FDPS: variants seen among roughly 807,000 people sequenced by gnomAD.
The protein encoded by FDPS is farnesyl diphosphate synthase.
Under a neutral mutation model 49.5 loss-of-function variants are expected in FDPS, and 29 were observed. The observed-to-expected ratio is 0.59, with a 90% CI of 0.44 to 0.80. The LOEUF is 0.80. Among genes scored for constraint, FDPS ranks in the 30% least tolerant of loss-of-function variants. The pLI is 0.00. For missense variants in FDPS, 414 were observed against 525.6 expected (o/e 0.79, Z 2.08); for synonymous variants, 172 against 206.4 (o/e 0.83, Z 1.43).
chr1:155,312,264 T>C lies in FDPS; in HGVS notation c.349T>C (p.Tyr117His), dbSNP rs376502714. 3 of 1,613,738 alleles carry C rather than the reference T, an allele frequency of 1.9e-6. No individual in the cohort carries two copies. Among genetic ancestry groups the C allele is most frequent in the African/African-American group, 2.7e-5 (2 of 74,858 alleles). The change falls in exon 4 of 11, where the codon TAC becomes CAC. Residue 117 changes from tyrosine to histidine, a missense_variant. Transcript: ENST00000368356. ...TTTCCTTGCCCTCCAGGTCCTGGAG[T>C]ACAATGCCATTGGAGGCAAGTATAA... ...AIARLKEVLEYNAIGGKYNRG... is the reference protein window; with the variant it reads ...AIARLKEVLEHNAIGGKYNRG...
chr1:155,309,677 C>G (rs1465167681), intron 1 of FDPS, 112 bp from the exon 2 acceptor site: 2 of 975,348 alleles, frequency 2.1e-6, no homozygotes, highest in Non-Finnish European at 2.9e-6. Context: ...GGGAGGGGCA[C>G]TCTGGGCTAA....
intron 3 of FDPS, among the ~76,000 whole-genome samples, chr1:155,311,620 C>T (rs115750261): frequency 0.011 from 1,709 of 152,232 alleles, 37 homozygotes; most frequent in African/African-American, 0.039. Flanking sequence ...GGGGAGGGAC[C>T]TGAACAAGCC....
intron 3 of FDPS, among the ~76,000 whole-genome samples, chr1:155,311,020 G>T (rs1648742479): frequency 6.6e-6 from 1 of 152,036 alleles, no homozygotes. Flanking sequence ...GGAAAGGGGG[G>T]CTTTGCCTAT....
chr1:155,314,704 G>A (rs934867724), intron 4 of FDPS, among the ~76,000 whole-genome samples: 5 of 151,930 alleles, frequency 3.3e-5, no homozygotes, highest in South Asian at 4.2e-4. Flanking sequence ...TTGAACTCCC[G>A]GGCTCAAGTG....
rs749581999 is a variant in FDPS at position 155,317,992 on chromosome 1, C to T, written c.532C>T (p.Arg178Cys). ...ADDIMDSSLT[R>C]RGQICWYQKP... ...TGACATCATGGATTCATCCCTTACC[C>T]GCCGGGGACAGATCTGCTGGTATCA... Residue 178 changes from arginine to cysteine, a missense_variant, in exon 5 of 11, where the codon CGC (arginine) becomes TGC (cysteine). Physicochemically the swap from Arg to Cys is radical, Grantham distance 180 (BLOSUM62 -3). Coordinates refer to ENST00000368356, the MANE Select transcript of FDPS (RefSeq NM_002004.4). The T allele has an allele frequency of 5.0e-6, 8 of 1,613,606 alleles. No homozygotes were observed. The Admixed American group carries it at 6.7e-5, about 13-fold the overall frequency.
intron 10 of FDPS, 36 bp from the exon 11 acceptor site, chr1:155,320,373 G>T (rs751653283): frequency 6.3e-7 from 1 of 1,581,938 alleles, no homozygotes. Context: ...TCTGGGGAAG[G>T]CCAAGCCCGT....
At chr1:155,317,839 C>CA (rs759963795) in intron 4 of FDPS, 102 bp from the exon 5 acceptor site, 148 of 971,568 alleles carry the variant, frequency 1.5e-4, no homozygotes, top group Admixed American at 2.6e-4. Context: ...TGTCCCCTAC[C>CA]AAAAAAAAGC....
chr1:155,313,140 A>C (rs1433955511), intron 4 of FDPS, among the ~76,000 whole-genome samples: 2 of 152,236 alleles, frequency 1.3e-5, no homozygotes, highest in Non-Finnish European at 2.9e-5. Flanking sequence ...GATTTCTAGC[A>C]TGGCTTGGGA....
Position 155,318,601 on chromosome 1 carries a change from G to A in FDPS, c.685-64G>A. 7.9e-7 allele frequency: 1 copy of A among 1,263,402 alleles called. No individual in the cohort carries two copies. Among genetic ancestry groups the A allele is most frequent in the Non-Finnish European group, 1.2e-6 (1 of 863,832 alleles). The allele number at this position is 1,263,402 out of a possible 1,614,324, so 78.3% of individuals were successfully genotyped here. On this transcript the variant is annotated intron_variant, in intron 6 of 10. Coordinates refer to ENST00000368356, the MANE Select transcript of FDPS (RefSeq NM_002004.4). The surrounding 1 kb of genome is among the most constrained non-coding windows in gnomAD (Gnocchi z 4.2). ...TCAGCTGGTATGGGATGTTGGGCTT[G>A]GGATACCAGGGTTTCGCATATCTGG...
chr1:155,319,397 T>G (rs1649962699), intron 8 of FDPS, among the ~76,000 whole-genome samples: 1 of 152,234 alleles, frequency 6.6e-6, no homozygotes, highest in Admixed American at 6.5e-5. Context: ...TAGAATGGAT[T>G]CATCTCTTTT....
In FDPS at chr1:155,318,096, GTGT is replaced by G; in HGVS notation, c.562-70_562-68del. 1 of 1,612,732 alleles carries G rather than the reference GTGT, an allele frequency of 6.2e-7. No individual in the cohort carries two copies. Among genetic ancestry groups the G allele is most frequent in the East Asian group, 2.2e-5 (1 of 44,878 alleles). On this transcript the variant is annotated intron_variant, in intron 5 of 10. Transcript: ENST00000368356. This position sits in a 1 kb window ranked among gnomAD's most constrained non-coding sequence, Gnocchi z 4.2. ...GGTGGTTATATATGGCCTGGTTGAGGTGTTGGGGTGATGGCTCTTAGTATGAAC... is the reference window on the plus strand; with the variant it reads ...GGTGGTTATATATGGCCTGGTTGAGGTGGGGTGATGGCTCTTAGTATGAAC...
chr1:155,308,946 G>A lies in FDPS; in HGVS notation c.-21G>A, dbSNP rs1648492022. 6.4e-6 allele frequency: 1 copy of A among 155,136 alleles called. No individual in the cohort carries two copies. The highest frequency in any genetic ancestry group is 6.5e-5 in the Admixed American group (1 of 15,290). The allele number at this position is 155,136 out of a possible 1,614,324, so 9.6% of individuals were successfully genotyped here. On this transcript the variant is annotated 5_prime_UTR_variant, in exon 1 of 11. Coordinates refer to ENST00000368356, the MANE Select transcript of FDPS (RefSeq NM_002004.4). The stretch of plus-strand genomic sequence containing the variant: ...CCCGCCAACAAGCGGGACCGAGCAG[G>A]AATCCGTATCTGGGAACAGGTGAGA...
At chr1:155,312,147 G>C in intron 3 of FDPS, 108 bp from the exon 4 acceptor site, 2 of 1,279,440 alleles carry the variant, frequency 1.6e-6, no homozygotes, top group Non-Finnish European at 2.2e-6. Context: ...GTTGGGGTTG[G>C]GGAGGATAAA....
In FDPS at chr1:155,319,782, C is replaced by G. The variant is rs909077922; in HGVS notation, c.925-12C>G. 1 of 1,614,136 alleles carries G rather than the reference C, an allele frequency of 6.2e-7. No individual in the cohort carries two copies. The highest frequency in any genetic ancestry group is 1.1e-5 in the South Asian group (1 of 91,080). On this transcript the variant is annotated splice_polypyrimidine_tract_variant and intron_variant, in intron 9 of 10. Coordinates refer to ENST00000368356, the MANE Select transcript of FDPS (RefSeq NM_002004.4). ...TCCTTCCTCTTTTGCTGCCCTCCCC[C>G]TCCCTGCCCAGGATGATTACCTTGA...
intron 4 of FDPS, among the ~76,000 whole-genome samples, chr1:155,313,469 A>C (rs911314168): frequency 1.3e-5 from 2 of 152,180 alleles, no homozygotes; most frequent in Non-Finnish European, 2.9e-5. Context: ...CTGGCCTGAG[A>C]GGAGCAGCTG....
chr1:155,318,339 T>C lies in FDPS; in HGVS notation c.684+48T>C. 1 of 1,602,210 alleles carries C rather than the reference T, an allele frequency of 6.2e-7. No individual in the cohort carries two copies. The highest frequency in any genetic ancestry group is 1.3e-5 in the African/African-American group (1 of 75,010). On this transcript the variant is annotated intron_variant, in intron 6 of 10. Transcript: ENST00000368356. The surrounding 1 kb of genome is among the most constrained non-coding windows in gnomAD (Gnocchi z 4.2). ...TGCCCAGAGGGTGCCCATGGTAGCC[T>C]TGGCCTCTATAGGACATGCTCATCT... is the stretch of plus-strand genomic sequence containing the variant.
chr1:155,313,226 G>A (rs745739499), intron 4 of FDPS, among the ~76,000 whole-genome samples: 2 of 152,168 alleles, frequency 1.3e-5, no homozygotes, highest in Non-Finnish European at 2.9e-5. Context: ...TCTGCAAGAC[G>A]GCATGTGTTC....
At position 155,318,309 on chromosome 1, in the gene FDPS, C is replaced by A; in HGVS notation, c.684+18C>A. 1 of 1,607,626 alleles carries A rather than the reference C, an allele frequency of 6.2e-7. No individual in the cohort carries two copies. Among genetic ancestry groups the A allele is most frequent in the Non-Finnish European group, 8.5e-7 (1 of 1,179,928 alleles). On this transcript the variant is annotated intron_variant, in intron 6 of 10. Coordinates refer to ENST00000368356, the MANE Select transcript of FDPS (RefSeq NM_002004.4). This position sits in a 1 kb window ranked among gnomAD's most constrained non-coding sequence, Gnocchi z 4.2. ...TCCTGCAGGTGTATTGCAGACAGGG[C>A]CCGATGCCCAGAGGGTGCCCATGGT...
chr1:155,318,768 G>A lies in FDPS; in HGVS notation c.773+15G>A. ...ACTGAAAAGAGGTGAGGGGAGGTGAGGGACAGCGCGAACCATGTCTGGACA... is the reference window on the plus strand; with the variant it reads ...ACTGAAAAGAGGTGAGGGGAGGTGAAGGACAGCGCGAACCATGTCTGGACA... On this transcript the variant is annotated intron_variant, in intron 7 of 10. Transcript: ENST00000368356. This position sits in a 1 kb window ranked among gnomAD's most constrained non-coding sequence, Gnocchi z 4.2. 1.2e-6 allele frequency: 2 copies of A among 1,606,014 alleles called. No individual in the cohort carries two copies. The highest frequency in any genetic ancestry group is 1.7e-4 in the Middle Eastern group (1 of 6,048).
Sources: allele counts gnomAD v4.1 joint callset (sites outside exome capture counted in the v4.1 genomes callset), GRCh38; gene constraint gnomAD v4.1.1; non-coding constraint Gnocchi (gnomAD v3.1); transcripts MANE v1.5; gene names NCBI Gene and HGNC (gene_info 2026-07-23, HGNC 2026-07-21).